The following CFAP251 variants were observed in gnomAD, a reference collection of about 807,000 sequenced individuals.
CFAP251 encodes the protein cilia and flagella associated protein 251.
CFAP251 carries 93 observed loss-of-function variants against 126.7 expected under a neutral mutation model. The ratio of observed to expected loss-of-function variants is 0.73; its 90% CI spans 0.62 to 0.87. CFAP251 has a LOEUF of 0.87. Ranked by LOEUF, CFAP251 falls within the 40% of genes least tolerant of loss-of-function variation. The pLI is 0.00. For synonymous variants in CFAP251, 503 were observed against 506.9 expected, an observed-to-expected ratio of 0.99 and a Z score of 0.10; for missense variants, 1,287 against 1,389.2, an observed-to-expected ratio of 0.93 and a Z score of 1.17.
intron 7 of CFAP251, among the ~76,000 whole-genome samples, chr12:121,947,108 GTCTTTTATTT>G (rs1018388505): frequency 3.0e-4 from 45 of 152,102 alleles, no homozygotes; most frequent in African/African-American, 1.1e-3. Flanking sequence ...TGTCCCACTG[GTCTTTTATTT>G]TCTTTTATGT....
chr12:121,922,938 C>T lies in CFAP251; in HGVS notation c.379-684C>T, dbSNP rs1051434729. Among the ~76,000 whole-genome samples, 86 of 151,506 alleles carry T rather than the reference C, an allele frequency of 5.7e-4. 1 individual carries two copies. The highest frequency in any genetic ancestry group is 1.7e-3 in the African/African-American group (72 of 41,292). ...CCGAGTAGCTGGGACTACAGGCGCC[C>T]GCCACCACGCCCAGCTAATTTTTTG... On this transcript the variant is annotated intron_variant, in intron 2 of 21. Transcript: ENST00000288912.
chr12:121,986,965 G>C (rs1039044025), intron 19 of CFAP251, among the ~76,000 whole-genome samples: 5 of 152,062 alleles, frequency 3.3e-5, no homozygotes, highest in Non-Finnish European at 5.9e-5. Context: ...ACAAAAACGA[G>C]AAAGATAAAC....
intron 3 of CFAP251, among the ~76,000 whole-genome samples, chr12:121,927,370 C>G (rs1270368524): frequency 6.6e-6 from 1 of 152,010 alleles, no homozygotes; most frequent in Non-Finnish European, 1.5e-5. Flanking sequence ...TATCTTGGCT[C>G]TCTGCAACCT....
At position 121,989,930 on chromosome 12, in the gene CFAP251, A is replaced by T. The variant is rs1342234358; in HGVS notation, c.3007-9786A>T. 2.0e-5 allele frequency among the ~76,000 whole-genome samples: 3 copies of T among 152,198 alleles called. No homozygotes were observed. Among genetic ancestry groups the T allele is most frequent in the African/African-American group, 7.2e-5 (3 of 41,446 alleles). On this transcript the variant is annotated intron_variant, in intron 19 of 21. Coordinates refer to ENST00000288912, the MANE Select transcript of CFAP251 (RefSeq NM_144668.6). The surrounding 1 kb of genome is among the most constrained non-coding windows in gnomAD (Gnocchi z 4.2). ...CTTCCTGAGGCTGACAGCAGGGATC[A>T]CAGACCCAAAGGCCTGCGTCATCAA...
chr12:121,984,105 A>G (rs1014988879), intron 19 of CFAP251, among the ~76,000 whole-genome samples: 1 of 152,130 alleles, frequency 6.6e-6, no homozygotes, highest in Non-Finnish European at 1.5e-5. Context: ...TACATTATTG[A>G]TATCTTTCTT....
chr12:122,000,274 G>A (rs1262801244), intron 20 of CFAP251, among the ~76,000 whole-genome samples: 13 of 152,296 alleles, frequency 8.5e-5, no homozygotes, highest in Middle Eastern at 3.4e-3. Context: ...GGTTGGGGCC[G>A]GGCGCAGTGG....
At chr12:121,971,804 C>T (rs527765627) in intron 17 of CFAP251, 1 of 553,270 alleles carries the variant, frequency 1.8e-6, no homozygotes, top group African/African-American at 1.9e-5. Flanking sequence ...TTGAATTGTA[C>T]TCCGATAATT....
At chr12:122,000,401 A>C (rs1883120732) in intron 20 of CFAP251, among the ~76,000 whole-genome samples, 1 of 151,610 alleles carries the variant, frequency 6.6e-6, no homozygotes. Flanking sequence ...AAAATACAAA[A>C]ATTAGCCGGG....
At position 121,960,587 on chromosome 12, in the gene CFAP251, T is replaced by G; in HGVS notation, c.2136T>G (p.Asp712Glu). Residue 712 changes from aspartate (D) to glutamate (E), a missense_variant and splice_region_variant, in exon 14 of 22, where the codon GAT (aspartate) becomes GAG (glutamate). Asp to Glu is a conservative substitution (Grantham distance 45, BLOSUM62 2). Transcript: ENST00000288912. Reference protein sequence around the residue: ...SHDSQYMATADRSFTVAVYML... With the variant: ...SHDSQYMATAERSFTVAVYML... ...CCTTCTCTTTTGCTCATCTTCAGGA[T>G]AGAAGTTTTACTGTGGCTGTTTACA... The G allele has an allele frequency of 6.2e-7, 1 of 1,614,120 alleles. No homozygotes were observed. Among genetic ancestry groups the G allele is most frequent in the Admixed American group, 1.7e-5 (1 of 60,014 alleles).
At chr12:121,952,767 AAAC>A (rs1199120894) in intron 9 of CFAP251, 1 of 152,176 alleles carries the variant, frequency 6.6e-6, no homozygotes, top group African/African-American at 2.4e-5. Flanking sequence ...CAAAAGACAA[AAAC>A]AAAAAATAAA....
chr12:121,947,144 A>G (rs542545495), intron 7 of CFAP251, among the ~76,000 whole-genome samples: 14 of 151,716 alleles, frequency 9.2e-5, no homozygotes, highest in African/African-American at 2.7e-4. Context: ...CTATCCTTTC[A>G]TCTGTTTCTG....
chr12:121,992,258 C>G, intron 19 of CFAP251: 1 of 985,432 alleles, frequency 1.0e-6, no homozygotes, highest in Non-Finnish European at 1.2e-6. Flanking sequence ...TTTGTTCAGA[C>G]AAGTAGCAGA....
At chr12:122,002,522 A>C (rs568754741) in intron 21 of CFAP251, among the ~76,000 whole-genome samples, 100 of 152,212 alleles carry the variant, frequency 6.6e-4, no homozygotes, top group African/African-American at 2.2e-3. Flanking sequence ...CCTGGGCAAC[A>C]GAGTGAGAGC....
At chr12:121,961,917 C>A in intron 14 of CFAP251, 61 bp from the exon 15 acceptor site, 1 of 1,539,220 alleles carries the variant, frequency 6.5e-7, no homozygotes, top group Non-Finnish European at 8.8e-7. Context: ...GCTTGGGGTT[C>A]CTTAGCTGAG....
intron 3 of CFAP251, among the ~76,000 whole-genome samples, chr12:121,927,076 C>G (rs1056299710): frequency 2.0e-5 from 3 of 152,154 alleles, no homozygotes; most frequent in Admixed American, 6.6e-5. Flanking sequence ...TAATTCCTGC[C>G]ACAGTTGGCT....
intron 19 of CFAP251, among the ~76,000 whole-genome samples, chr12:121,988,515 A>C (rs1392538852): frequency 6.6e-6 from 1 of 152,136 alleles, no homozygotes; most frequent in Non-Finnish European, 1.5e-5. Flanking sequence ...CTCACTCAGC[A>C]TCATGTTTTC....
At chr12:121,977,216 G>A (rs1882482290) in intron 19 of CFAP251, among the ~76,000 whole-genome samples, 1 of 152,206 alleles carries the variant, frequency 6.6e-6, no homozygotes, top group African/African-American at 2.4e-5. Context: ...TGGTAACACA[G>A]TGGTATTTGT....
intron 19 of CFAP251, among the ~76,000 whole-genome samples, chr12:121,987,345 A>G (rs533942370): frequency 6.6e-6 from 1 of 152,318 alleles, no homozygotes; most frequent in South Asian, 2.1e-4. Flanking sequence ...GAGCAAGACA[A>G]AACTATTTCT....
intron 4 of CFAP251, 101 bp downstream of exon 4, chr12:121,931,987 G>GT (rs1466041838): frequency 8.4e-7 from 1 of 1,194,254 alleles, no homozygotes; most frequent in Non-Finnish European, 1.1e-6. Context: ...TATCACTGTC[G>GT]TATTTTCCCA....
Sources: allele counts gnomAD v4.1 joint callset (sites outside exome capture counted in the v4.1 genomes callset), GRCh38; gene constraint gnomAD v4.1.1; non-coding constraint Gnocchi (gnomAD v3.1); transcripts MANE v1.5; gene names NCBI Gene and HGNC (gene_info 2026-07-23, HGNC 2026-07-21).